The following CDH8 variants were observed in gnomAD, a reference collection of about 807,000 sequenced individuals.
CDH8 encodes cadherin-8.
A neutral mutation model predicts 68.1 loss-of-function variants in CDH8; 17 were observed. The observed-to-expected ratio is 0.25, with a 90% CI of 0.17 to 0.37. The LOEUF (loss-of-function observed/expected upper bound fraction) is 0.37. Among genes scored for constraint, CDH8 ranks in the 10% least tolerant of loss-of-function variants. The probability of loss-of-function intolerance (pLI) is 1.00; values close to 1 mark genes in which losing one functional copy is unlikely to be tolerated. For missense variants in CDH8, 763 were observed against 999.3 expected (o/e 0.76, Z 3.19); for synonymous variants, 372 against 365.1 (o/e 1.02, Z -0.21).
At chr16:61,968,109 A>G (rs1174624645) in intron 2 of CDH8, among the ~76,000 whole-genome samples, 1 of 152,166 alleles carries the variant, frequency 6.6e-6, no homozygotes, top group African/African-American at 2.4e-5. Context: ...CTGGGCCTAG[A>G]GATCATTATT....
intron 10 of CDH8, among the ~76,000 whole-genome samples, chr16:61,694,136 TTTTG>T (rs1424230220): frequency 2.6e-5 from 4 of 152,170 alleles, no homozygotes; most frequent in Non-Finnish European, 5.9e-5. Context: ...TAAAATTGAC[TTTTG>T]TTTGTTTGTT....
chr16:61,841,251 A>G (rs993926256), intron 4 of CDH8, among the ~76,000 whole-genome samples: 4 of 152,178 alleles, frequency 2.6e-5, no homozygotes, highest in African/African-American at 9.7e-5. Context: ...ATCAGATGGT[A>G]GCTCAATTTT....
chr16:62,031,672 C>A (rs1005221124), intron 1 of CDH8, among the ~76,000 whole-genome samples: 1 of 106,682 alleles, frequency 9.4e-6, no homozygotes, highest in Non-Finnish European at 1.9e-5. Context: ...ACACACACAC[C>A]CACAAACACA....
intron 10 of CDH8, among the ~76,000 whole-genome samples, chr16:61,709,955 G>A (rs1447789932): frequency 1.3e-5 from 2 of 152,078 alleles, no homozygotes; most frequent in Admixed American, 6.6e-5. Context: ...TACTGATGAA[G>A]CCACGTTCAA....
intron 2 of CDH8, chr16:61,938,062 G>C (rs1964654350): frequency 6.6e-6 from 1 of 152,088 alleles, no homozygotes; most frequent in South Asian, 2.1e-4. Flanking sequence ...TTTCACTGAT[G>C]CCCAGAAAAC....
At chr16:61,736,256 G>A (rs892230839) in intron 8 of CDH8, among the ~76,000 whole-genome samples, 6 of 152,132 alleles carry the variant, frequency 3.9e-5, no homozygotes, top group Admixed American at 1.3e-4. Context: ...ATAATCAGGA[G>A]TTCTAATGGT....
At chr16:61,705,708 C>T (rs1191086132) in intron 10 of CDH8, among the ~76,000 whole-genome samples, 1 of 152,134 alleles carries the variant, frequency 6.6e-6, no homozygotes, top group African/African-American at 2.4e-5. Context: ...TCTTACACTT[C>T]TTTATGTAAG....
At position 61,652,455 on chromosome 16, in the gene CDH8, A is replaced by G. The variant is rs775031217; in HGVS notation, c.*1153T>C. 1.0e-6 allele frequency: 1 copy of G among 986,516 alleles called. No individual in the cohort carries two copies. The highest frequency in any genetic ancestry group is 1.2e-6 in the Non-Finnish European group (1 of 830,418). 61.1% of individuals were successfully genotyped at this position (986,516 alleles called of 1,614,324 possible). Reference sequence around the variant, plus strand: ...TGTGCTTGTAGTAAAAACACCAAATACTAGGATTATGAACAAAATAGAAAA... The same window carrying G: ...TGTGCTTGTAGTAAAAACACCAAATGCTAGGATTATGAACAAAATAGAAAA... On this transcript the variant is annotated 3_prime_UTR_variant, in exon 12 of 12. Coordinates refer to ENST00000577390, the MANE Select transcript of CDH8 (RefSeq NM_001796.5).
intron 2 of CDH8, among the ~76,000 whole-genome samples, chr16:61,950,517 C>T (rs1964877302): frequency 6.6e-6 from 1 of 152,144 alleles, no homozygotes; most frequent in South Asian, 2.1e-4. Context: ...TGCTTAATGG[C>T]TTTGTGACAA....
chr16:61,809,500 G>C (rs1961887807), intron 7 of CDH8, among the ~76,000 whole-genome samples: 1 of 152,152 alleles, frequency 6.6e-6, no homozygotes, highest in Admixed American at 6.5e-5. Context: ...TTAAAACCTA[G>C]ATGACAGGTT....
At chr16:61,665,772 C>CTTCCTTCCTTCA (rs1963658498) in intron 10 of CDH8, among the ~76,000 whole-genome samples, 3 of 128,914 alleles carry the variant, frequency 2.3e-5, no homozygotes, top group African/African-American at 2.9e-5. Flanking sequence ...TCCTTCCTTC[C>CTTCCTTCCTTCA]TTCCTTCCTT....
chr16:61,955,112 C>T (rs1281475667), intron 2 of CDH8, among the ~76,000 whole-genome samples: 1 of 152,202 alleles, frequency 6.6e-6, no homozygotes, highest in African/African-American at 2.4e-5. Context: ...TGCTATCCTC[C>T]ACTGTAGACT....
chr16:61,767,212 T>C (rs1467128955), intron 8 of CDH8, among the ~76,000 whole-genome samples: 1 of 152,002 alleles, frequency 6.6e-6, no homozygotes, highest in Non-Finnish European at 1.5e-5. Flanking sequence ...TGATTTTCAG[T>C]GTAAGCAACA....
intron 3 of CDH8, among the ~76,000 whole-genome samples, chr16:61,860,123 G>A (rs888973476): frequency 1.3e-5 from 2 of 152,042 alleles, no homozygotes; most frequent in Non-Finnish European, 2.9e-5. Flanking sequence ...TTACAGGTGT[G>A]AGCCACCTTT....
chr16:61,986,104 A>G (rs928256800), intron 2 of CDH8, among the ~76,000 whole-genome samples: 2 of 150,232 alleles, frequency 1.3e-5, no homozygotes, highest in East Asian at 4.0e-4. Flanking sequence ...TTGTATTTTT[A>G]GTAGAGATAG....
At chr16:61,660,368 T>C (rs1329022331) in intron 10 of CDH8, among the ~76,000 whole-genome samples, 3 of 151,368 alleles carry the variant, frequency 2.0e-5, no homozygotes, top group Non-Finnish European at 4.4e-5. Context: ...GCAAAAGAAA[T>C]GATTAGTGAA....
chr16:61,741,466 G>A (rs1286875074), intron 8 of CDH8, among the ~76,000 whole-genome samples: 2 of 151,966 alleles, frequency 1.3e-5, no homozygotes, highest in East Asian at 1.9e-4. Flanking sequence ...TCCAGAATTT[G>A]AAAATCCCAT....
At chr16:61,761,092 TATAA>T (rs1960455822) in intron 8 of CDH8, among the ~76,000 whole-genome samples, 2 of 152,172 alleles carry the variant, frequency 1.3e-5, no homozygotes, top group Admixed American at 6.6e-5. Context: ...ATGATACATA[TATAA>T]ATATGTGTGT....
chr16:61,787,587 C>G (rs1596967724), intron 8 of CDH8, among the ~76,000 whole-genome samples: 1 of 139,942 alleles, frequency 7.1e-6, no homozygotes, highest in Non-Finnish European at 1.5e-5. Context: ...CATCCCATTA[C>G]TGGGTATATA....
Sources: gnomAD v4.1 joint callset for allele counts (sites outside exome capture counted in the v4.1 genomes callset) on GRCh38, gnomAD v4.1.1 for gene constraint, MANE v1.5 for transcripts, NCBI Gene and HGNC (gene_info 2026-07-23, HGNC 2026-07-21) for gene names.